Variants in PIK3C2G observed in about 807,000 individuals in gnomAD.
PIK3C2G encodes the protein phosphatidylinositol-4-phosphate 3-kinase catalytic subunit type 2 gamma.
A neutral mutation model predicts 181.1 loss-of-function variants in PIK3C2G; 168 were observed. The ratio of observed to expected loss-of-function variants is 0.93; its 90% CI spans 0.82 to 1.05. The LOEUF is 1.05. Among genes scored for constraint, PIK3C2G ranks in the 50% least tolerant of loss-of-function variants. PIK3C2G has a pLI of 0.00. For missense variants in PIK3C2G, 1,869 were observed against 1,732.8 expected (o/e 1.08, Z -1.40); for synonymous variants, 573 against 592.2 (o/e 0.97, Z 0.47).
intron 1 of PIK3C2G, among the ~76,000 whole-genome samples, chr12:18,277,252 G>C (rs1190964929): frequency 1.3e-5 from 2 of 152,074 alleles, no homozygotes; most frequent in Non-Finnish European, 2.9e-5. Context: ...GCTAAAATAT[G>C]ATTTTCTGTG....
the PIK3C2G span, among the ~76,000 whole-genome samples, chr12:18,702,333 G>A: frequency 9.9e-5 from 15 of 152,054 alleles, no homozygotes; most frequent in South Asian, 3.1e-3. Flanking sequence ...TAGAAGCATA[G>A]CAAAATTTAC....
rs931388708 is a variant in PIK3C2G, at chr12:18,533,222, A to G, written c.3324-4934A>G. Among the ~76,000 whole-genome samples the G allele has an allele frequency of 4.6e-5, 7 of 152,196 alleles. No individual in the cohort carries two copies. In the East Asian group the frequency reaches 9.7e-4, roughly 21 times the overall value. On this transcript the variant is annotated intron_variant, in intron 24 of 32. Coordinates refer to ENST00000538779, the MANE Select transcript of PIK3C2G (RefSeq NM_001288772.2). ...TACCTCCAACCTAAATCTTTTCTCC[A>G]TGGTCCAGAAATGAGTACCCTCATT...
chr12:18,397,590 T>G (rs1198078549), intron 15 of PIK3C2G, among the ~76,000 whole-genome samples: 4 of 152,052 alleles, frequency 2.6e-5, no homozygotes, highest in Non-Finnish European at 4.4e-5. Context: ...ATACACCCAT[T>G]GGAATGGATA....
In PIK3C2G at chr12:18,559,779, TATATATA is replaced by T. The variant is rs1945204938; in HGVS notation, c.3591-2923_3591-2917del. 3.9e-4 allele frequency among the ~76,000 whole-genome samples: 14 copies of T among 35,838 alleles called. 1 individual carries two copies. The highest frequency in any genetic ancestry group is 5.2e-4 in the Non-Finnish European group (12 of 22,908). 23.5% of individuals were successfully genotyped at this position (35,838 alleles called of 152,430 possible). ...TCTCAGAATGTATTGTATGAAATTA[TATATATA>T]TATATATATATATATATATATATAT... On this transcript the variant is annotated intron_variant, in intron 26 of 32. Transcript: ENST00000538779.
intron 28 of PIK3C2G, among the ~76,000 whole-genome samples, chr12:18,565,168 C>T (rs1487421530): frequency 1.3e-5 from 2 of 152,024 alleles, no homozygotes; most frequent in Admixed American, 1.3e-4. Context: ...ATGAAGATTC[C>T]CTATGACTTC....
intron 5 of PIK3C2G, among the ~76,000 whole-genome samples, chr12:18,301,385 GCTTT>G (rs1285734123): frequency 1.3e-5 from 2 of 152,116 alleles, no homozygotes; most frequent in East Asian, 1.9e-4. Flanking sequence ...TGTCACATAG[GCTTT>G]CTTTATTTTG....
At chr12:18,536,713 C>T (rs776785174) in intron 24 of PIK3C2G, among the ~76,000 whole-genome samples, 8 of 152,166 alleles carry the variant, frequency 5.3e-5, no homozygotes, top group Non-Finnish European at 8.8e-5. Flanking sequence ...TGCTATATCT[C>T]ATGTTTTCAA....
chr12:18,650,344 T>C (rs866777519), downstream of PIK3C2G, among the ~76,000 whole-genome samples: 1 of 133,454 alleles, frequency 7.5e-6, no homozygotes, highest in Non-Finnish European at 1.6e-5. Flanking sequence ...TATATATATA[T>C]ATATGTGTGT....
At chr12:18,671,070 A>C in the PIK3C2G span, among the ~76,000 whole-genome samples, 2 of 151,642 alleles carry the variant, frequency 1.3e-5, no homozygotes, top group Non-Finnish European at 2.9e-5. Context: ...CCAGCTACTC[A>C]GGAGGCTGAG....
Position 18,445,073 on chromosome 12 carries a change from G to A in PIK3C2G, c.2504+21034G>A, listed in dbSNP as rs12300709. Among the ~76,000 whole-genome samples, 1,145 of 152,110 alleles carry A rather than the reference G, an allele frequency of 7.5e-3. 8 individuals carry two copies. Among genetic ancestry groups the A allele is most frequent in the Non-Finnish European group, 0.013 (885 of 67,972 alleles). ...TTATTTAATGAATGGTGTTTGGATG[G>A]CCAGCTGAGGGGAAAAAAATGGATC... On this transcript the variant is annotated intron_variant, in intron 18 of 32. Coordinates refer to ENST00000538779, the MANE Select transcript of PIK3C2G (RefSeq NM_001288772.2).
At chr12:18,330,702 C>G (rs1232862464) in intron 8 of PIK3C2G, among the ~76,000 whole-genome samples, 1 of 151,990 alleles carries the variant, frequency 6.6e-6, no homozygotes, top group East Asian at 1.9e-4. Flanking sequence ...AATGAGAGGC[C>G]AGGGATGAGG....
intron 26 of PIK3C2G, among the ~76,000 whole-genome samples, chr12:18,559,821 T>TATAGAGAGAG (rs1945244509): frequency 2.2e-4 from 4 of 18,372 alleles, no homozygotes; most frequent in Non-Finnish European, 3.8e-4. Context: ...TATATATATA[T>TATAGAGAGAG]AGAGAGAGAG....
intron 1 of PIK3C2G, among the ~76,000 whole-genome samples, chr12:18,274,267 T>A (rs554000449): frequency 1.3e-5 from 2 of 152,244 alleles, no homozygotes; most frequent in Non-Finnish European, 1.5e-5. Flanking sequence ...GATCTAGAAC[T>A]AGAAATACCA....
intron 32 of PIK3C2G, among the ~76,000 whole-genome samples, chr12:18,644,832 T>G (rs925299613): frequency 6.6e-6 from 1 of 152,142 alleles, no homozygotes; most frequent in Non-Finnish European, 1.5e-5. Flanking sequence ...CTTTCTTTCA[T>G]TATCCTGCCT....
chr12:18,396,440 A>C (rs547787711), intron 15 of PIK3C2G, among the ~76,000 whole-genome samples: 94 of 151,686 alleles, frequency 6.2e-4, no homozygotes, highest in Non-Finnish European at 1.2e-3. Context: ...GCTTTCTCCT[A>C]AGGTTAGAAA....
intron 5 of PIK3C2G, among the ~76,000 whole-genome samples, chr12:18,309,929 A>T (rs968027315): frequency 6.6e-6 from 1 of 151,844 alleles, no homozygotes; most frequent in African/African-American, 2.4e-5. Flanking sequence ...AGTTGTGTTT[A>T]TTCCTGAACC....
At chr12:18,286,756 T>A in intron 2 of PIK3C2G, 91 bp from the exon 3 acceptor site, 1 of 715,276 alleles carries the variant, frequency 1.4e-6, no homozygotes, top group Non-Finnish European at 2.3e-6. Context: ...AAATGAAGTC[T>A]GAATGAAACT....
intron 18 of PIK3C2G, among the ~76,000 whole-genome samples, chr12:18,455,271 T>C (rs1370883411): frequency 6.6e-6 from 1 of 151,642 alleles, no homozygotes; most frequent in African/African-American, 2.4e-5. Context: ...CACAAAGACA[T>C]GAACACCAGT....
chr12:18,410,203 G>A (rs1371446007), intron 16 of PIK3C2G, among the ~76,000 whole-genome samples: 1 of 152,078 alleles, frequency 6.6e-6, no homozygotes, highest in Non-Finnish European at 1.5e-5. Context: ...AATTTTAGAA[G>A]AGCCTTATTG....
Sources: allele counts gnomAD v4.1 joint callset (sites outside exome capture counted in the v4.1 genomes callset), GRCh38; gene constraint gnomAD v4.1.1; transcripts MANE v1.5; gene names NCBI Gene and HGNC (gene_info 2026-07-23, HGNC 2026-07-21).